NAALADL2: variants seen among roughly 807,000 people sequenced by gnomAD.
NAALADL2 encodes the protein inactive N-acetylated-alpha-linked acidic dipeptidase-like protein 2.
Under a neutral mutation model 87.2 loss-of-function variants are expected in NAALADL2, and 76 were observed. That is an observed-to-expected ratio of 0.87 (90% CI 0.72 to 1.05). The LOEUF is 1.05. NAALADL2 is among the 50% of genes least tolerant of loss of function. NAALADL2 has a pLI of 0.00. For synonymous variants in NAALADL2, 354 were observed against 331.0 expected (o/e 1.07, Z -0.75); for missense variants, 1,089 against 945.8 (o/e 1.15, Z -1.99).
chr3:175,275,077 T>G (rs1441077303), intron 4 of NAALADL2, among the ~76,000 whole-genome samples: 1 of 152,186 alleles, frequency 6.6e-6, no homozygotes, highest in Non-Finnish European at 1.5e-5. Context: ...CTGACTAAAG[T>G]TAACTCTGAA....
chr3:174,627,325 G>GA (rs1415516796), intron 2 of NAALADL2, among the ~76,000 whole-genome samples: 2 of 151,410 alleles, frequency 1.3e-5, no homozygotes, highest in African/African-American at 4.8e-5. Context: ...CAAGAAATAT[G>GA]AAAAAAAAGT....
chr3:174,870,420 A>C (rs1156925812), intron 1 of NAALADL2, among the ~76,000 whole-genome samples: 1 of 152,138 alleles, frequency 6.6e-6, no homozygotes, highest in Non-Finnish European at 1.5e-5. Flanking sequence ...TGGTATACCT[A>C]TGAGACTGAA....
chr3:175,220,425 G>T (rs1378415781), intron 2 of NAALADL2, among the ~76,000 whole-genome samples: 1 of 151,706 alleles, frequency 6.6e-6, no homozygotes, highest in Non-Finnish European at 1.5e-5. Context: ...TTTTGTGACA[G>T]TTTTTTAACT....
At chr3:174,575,575 G>T (rs1424290969) in intron 2 of NAALADL2, among the ~76,000 whole-genome samples, 3 of 152,134 alleles carry the variant, frequency 2.0e-5, no homozygotes, top group African/African-American at 7.2e-5. Flanking sequence ...TGGTGATTTT[G>T]TGTAACAGTG....
intron 5 of NAALADL2, among the ~76,000 whole-genome samples, chr3:175,431,986 G>A (rs1717833056): frequency 6.6e-6 from 1 of 151,626 alleles, no homozygotes; most frequent in East Asian, 1.9e-4. Context: ...TTACCTTTCT[G>A]TGTCGAGACA....
At chr3:174,914,037 T>A (rs1053673795) in intron 1 of NAALADL2, among the ~76,000 whole-genome samples, 8 of 151,134 alleles carry the variant, frequency 5.3e-5, no homozygotes, top group Non-Finnish European at 1.0e-4. Flanking sequence ...CTTTTTGGTT[T>A]TATATATATA....
At chr3:174,478,734 C>T (rs1030881107) in intron 1 of NAALADL2, among the ~76,000 whole-genome samples, 1 of 152,026 alleles carries the variant, frequency 6.6e-6, no homozygotes, top group Admixed American at 6.6e-5. Flanking sequence ...TTTTTTGAGA[C>T]AGAACCTTGT....
At chr3:175,724,171 G>A (rs981246959) in intron 11 of NAALADL2, among the ~76,000 whole-genome samples, 1 of 152,036 alleles carries the variant, frequency 6.6e-6, no homozygotes, top group Non-Finnish European at 1.5e-5. Context: ...AAAAGTATAA[G>A]GTCATATCAC....
At chr3:175,411,547 GTAA>G (rs1344930630) in intron 5 of NAALADL2, among the ~76,000 whole-genome samples, 1 of 152,064 alleles carries the variant, frequency 6.6e-6, no homozygotes, top group Non-Finnish European at 1.5e-5. Flanking sequence ...CCTCCAACTT[GTAA>G]TAAAATTGTA....
intron 1 of NAALADL2, among the ~76,000 whole-genome samples, chr3:174,495,690 A>AAGGATTAGGGATTCCG (rs1161227612): frequency 0.014 from 346 of 25,540 alleles, 1 homozygote; most frequent in African/African-American, 0.036. Flanking sequence ...TACTGAATCC[A>AAGGATTAGGGATTCCG]GCTGTATGTC....
chr3:175,808,750 A>G lies in NAALADL2; in HGVS notation c.*5547A>G, dbSNP rs1206242808. 1 of 152,048 alleles carries G rather than the reference A, an allele frequency of 6.6e-6. No homozygotes were observed. The highest frequency in any genetic ancestry group is 6.6e-5 in the Admixed American group (1 of 15,216). 9.4% of individuals were successfully genotyped at this position (152,048 alleles called of 1,614,324 possible). ...CTCAAGAGATTAATATACAATCATT[A>G]TTATGAATTATTATGTTGCATTGAA... On this transcript the variant is annotated 3_prime_UTR_variant, in exon 14 of 14. Transcript: ENST00000454872.
At chr3:175,705,852 TG>T (rs1739614628) in intron 11 of NAALADL2, among the ~76,000 whole-genome samples, 1 of 152,122 alleles carries the variant, frequency 6.6e-6, no homozygotes, top group South Asian at 2.1e-4. Flanking sequence ...TCCTTGTGAA[TG>T]GGCTCAACAT....
chr3:175,137,581 G>T (rs1442783949), intron 2 of NAALADL2, among the ~76,000 whole-genome samples: 1 of 148,992 alleles, frequency 6.7e-6, no homozygotes, highest in East Asian at 2.0e-4. Flanking sequence ...TTCTACAAAT[G>T]GAATTAATAT....
At chr3:174,557,385 A>G (rs1712966719) in intron 2 of NAALADL2, among the ~76,000 whole-genome samples, 1 of 151,992 alleles carries the variant, frequency 6.6e-6, no homozygotes, top group South Asian at 2.1e-4. Context: ...TTTTGTAAAA[A>G]CTTTTTTAAT....
intron 3 of NAALADL2, among the ~76,000 whole-genome samples, chr3:174,806,910 T>C (rs1483288716): frequency 1.3e-5 from 2 of 152,148 alleles, no homozygotes; most frequent in Admixed American, 1.3e-4. Context: ...CTTATAGCCA[T>C]CTAGTAAACA....
intron 1 of NAALADL2, among the ~76,000 whole-genome samples, chr3:174,962,436 T>TGTCATAGTGACTATG (rs1742251746): frequency 1.4e-4 from 19 of 134,186 alleles, no homozygotes; most frequent in Middle Eastern, 3.4e-3. Flanking sequence ...TATATATGTA[T>TGTCATAGTGACTATG]ATTTTTAAGT....
At chr3:174,731,021 A>T in intron 2 of NAALADL2, among the ~76,000 whole-genome samples, 1 of 152,186 alleles carries the variant, frequency 6.6e-6, no homozygotes, top group Non-Finnish European at 1.5e-5. Flanking sequence ...AGTGCTAGCT[A>T]ATTATTACCA....
At chr3:174,800,169 G>T (rs1040369164) in intron 3 of NAALADL2, among the ~76,000 whole-genome samples, 1 of 152,182 alleles carries the variant, frequency 6.6e-6, no homozygotes, top group Non-Finnish European at 1.5e-5. Context: ...ACTGGCTGCA[G>T]AAATTTGCAT....
intron 11 of NAALADL2, among the ~76,000 whole-genome samples, chr3:175,643,128 T>C (rs1286502337): frequency 6.6e-6 from 1 of 152,174 alleles, no homozygotes; most frequent in African/African-American, 2.4e-5. Flanking sequence ...TTTAGAGTAG[T>C]TGGAGAAATT....
Sources: allele counts gnomAD v4.1 joint callset (sites outside exome capture counted in the v4.1 genomes callset), GRCh38; gene constraint gnomAD v4.1.1; transcripts MANE v1.5; gene names NCBI Gene and HGNC (gene_info 2026-07-23, HGNC 2026-07-21).